Variants in ZNF18 observed in about 807,000 individuals in gnomAD.
ZNF18 encodes the protein zinc finger protein 18.
ZNF18 carries 42 observed loss-of-function variants against 58.1 expected under a neutral mutation model. The observed-to-expected ratio is 0.72, with a 90% CI of 0.56 to 0.93. ZNF18 has a LOEUF of 0.93. ZNF18 is among the 40% of genes least tolerant of loss of function. The pLI is 0.00. For missense variants in ZNF18, 540 were observed against 644.2 expected (o/e 0.84, Z 1.75); for synonymous variants, 231 against 239.8 (o/e 0.96, Z 0.34).
At chr17:12,001,441 A>G (rs1968653604), upstream of ZNF18, among the ~76,000 whole-genome samples, 1 of 152,132 alleles carries the variant, frequency 6.6e-6, no homozygotes, top group Non-Finnish European at 1.5e-5. Flanking sequence ...CATCCTGGCT[A>G]ACATGGTGAA....
the ZNF18 span, among the ~76,000 whole-genome samples, chr17:12,005,113 G>A: frequency 6.7e-6 from 1 of 150,008 alleles, no homozygotes; most frequent in Non-Finnish European, 1.5e-5. Flanking sequence ...TATGTGTGAT[G>A]TATATATATT....
the ZNF18 span, chr17:12,020,722 C>T: frequency 2.7e-6 from 1 of 371,058 alleles, no homozygotes; most frequent in Non-Finnish European, 4.7e-6. Flanking sequence ...CAGCATCTGG[C>T]CCGGGCTGCG....
rs770195564 is a variant in ZNF18 at position 11,983,440 on chromosome 17, T to A, written c.752-33A>T. ...GAGAAAGATGTATGGTGGGCCTGGA[T>A]GAATAGGGAAGACTGGGAGCTCAAG... On this transcript the variant is annotated intron_variant, in intron 5 of 6. Transcript: ENST00000580306. The A allele has an allele frequency of 2.8e-5, 43 of 1,545,252 alleles. 1 individual carries two copies. The highest frequency in any genetic ancestry group is 1.3e-4 in the Admixed American group (8 of 59,864).
At chr17:12,020,764 C>T in the ZNF18 span, 1 of 415,550 alleles carries the variant, frequency 2.4e-6, no homozygotes, top group Non-Finnish European at 4.0e-6. Flanking sequence ...TGTCAGGAGG[C>T]GTGTCCGGGG....
At position 11,984,237 on chromosome 17, in the gene ZNF18, C is replaced by G. The variant is rs74630121; in HGVS notation, c.667-40G>C. 553 of 1,569,436 alleles carry G rather than the reference C, an allele frequency of 3.5e-4. 3 individuals carry two copies. In the African/African-American group the frequency reaches 6.5e-3, roughly 18 times the overall value. On this transcript the variant is annotated intron_variant, in intron 4 of 6. Transcript: ENST00000580306. ...AAAAAAGCAATACAATACCATGACT[C>G]CAATGAAGGTGTTTGAACCTGCCTT...
At chr17:12,006,399 G>A in the ZNF18 span, among the ~76,000 whole-genome samples, 1 of 152,142 alleles carries the variant, frequency 6.6e-6, no homozygotes, top group Non-Finnish European at 1.5e-5. Context: ...AGTAAAATGA[G>A]AGATAAAAAT....
At chr17:12,015,924 G>A in the ZNF18 span, among the ~76,000 whole-genome samples, 12 of 152,184 alleles carry the variant, frequency 7.9e-5, no homozygotes, top group Non-Finnish European at 1.0e-4. Context: ...CTGAGTAGCC[G>A]GGACTATAGG....
At chr17:11,984,670 G>A (rs138475714) in intron 4 of ZNF18, among the ~76,000 whole-genome samples, 1,644 of 151,956 alleles carry the variant, frequency 0.011, 33 homozygotes, top group African/African-American at 0.038. Context: ...ACATGCCACC[G>A]TGCCTGGCTA....
At chr17:11,994,850 AG>A (rs1968363125) in intron 1 of ZNF18, among the ~76,000 whole-genome samples, 1 of 152,146 alleles carries the variant, frequency 6.6e-6, no homozygotes, top group South Asian at 2.1e-4. Flanking sequence ...CAAAAAAAAA[AG>A]AAAAAGAAAA....
chr17:11,978,399 A>G lies in ZNF18; in HGVS notation c.1208T>C (p.Met403Thr). The change falls in exon 7 of 7, where the codon ATG (methionine) becomes ACG (threonine). Residue 403 changes from methionine to threonine, a missense_variant. Physicochemically the swap from Met to Thr is moderately conservative, Grantham distance 81. Coordinates refer to ENST00000580306, the MANE Select transcript of ZNF18 (RefSeq NM_001303281.2). ...TSQKGQPRAP[M>T]AQKLPTCREC... ...CCTGCAGGTGGGGAGCTTCTGGGCC[A>G]TGGGGGCTCTTGGCTGCCCCTTCTG... 1.3e-6 allele frequency: 2 copies of G among 1,547,100 alleles called. No homozygotes were observed. Among genetic ancestry groups the G allele is most frequent in the Non-Finnish European group, 1.7e-6 (2 of 1,151,264 alleles).
the ZNF18 span, among the ~76,000 whole-genome samples, chr17:12,013,686 T>C: frequency 2.0e-5 from 3 of 152,232 alleles, no homozygotes; most frequent in African/African-American, 7.2e-5. Flanking sequence ...ATTTTTTTGT[T>C]GGGTATTCTT....
chr17:12,020,988 C>T, the ZNF18 span: 5 of 1,211,374 alleles, frequency 4.1e-6, no homozygotes, highest in Non-Finnish European at 5.1e-6. Flanking sequence ...ACCCGGCCGT[C>T]AGCAGCATGC....
the ZNF18 span, among the ~76,000 whole-genome samples, chr17:12,016,705 C>T: frequency 6.6e-6 from 1 of 151,900 alleles, no homozygotes; most frequent in Non-Finnish European, 1.5e-5. Flanking sequence ...GTAGTTCTTG[C>T]AGAATAGAAT....
Position 11,981,354 on chromosome 17 carries a change from T to C in ZNF18, c.862+1943A>G, listed in dbSNP as rs543333946. Among the ~76,000 whole-genome samples the C allele has an allele frequency of 2.1e-4, 31 of 151,064 alleles. No homozygotes were observed. In the East Asian group the frequency reaches 3.9e-3, roughly 19 times the overall value. ...TTTTTTTTGAGACAGAGTTTCATTC[T>C]TGTTGCCCAGGCTGGAGTGCAATGG... On this transcript the variant is annotated intron_variant, in intron 6 of 6. Coordinates refer to ENST00000580306, the MANE Select transcript of ZNF18 (RefSeq NM_001303281.2).
intron 4 of ZNF18, among the ~76,000 whole-genome samples, chr17:11,989,224 CT>C (rs1228915552): frequency 2.0e-5 from 3 of 151,846 alleles, no homozygotes; most frequent in African/African-American, 7.3e-5. Flanking sequence ...ACTCAGGAGG[CT>C]GAGGCAGGAG....
At chr17:12,009,005 T>TA in the ZNF18 span, 9 of 152,144 alleles carry the variant, frequency 5.9e-5, no homozygotes, top group Admixed American at 5.2e-4. Context: ...ATTCCTGACT[T>TA]ACGGGCACAG....
chr17:11,978,099 T>C lies in ZNF18; in HGVS notation c.1508A>G (p.Gln503Arg), dbSNP rs958906220. ...KCPICEKSFI[Q>R]RSNFNRHQRV... is the part of the protein sequence containing the mutation. ...CTGATGTCTATTAAAGTTTGATCTC[T>C]GAATGAAACTTTTCTCACAGATAGG... Residue 503 changes from glutamine (Q) to arginine (R), a missense_variant, in exon 7 of 7, where the codon CAG (glutamine) becomes CGG (arginine). Transcript: ENST00000580306. 6.2e-7 allele frequency: 1 copy of C among 1,614,048 alleles called. No individual in the cohort carries two copies. The highest frequency in any genetic ancestry group is 1.3e-5 in the African/African-American group (1 of 74,932).
At chr17:12,020,355 C>T in the ZNF18 span, among the ~76,000 whole-genome samples, 1 of 152,178 alleles carries the variant, frequency 6.6e-6, no homozygotes, top group East Asian at 1.9e-4. Flanking sequence ...CCCCTTTCCC[C>T]TCAGAGAAGT....
At chr17:12,012,313 T>C in the ZNF18 span, among the ~76,000 whole-genome samples, 1 of 152,220 alleles carries the variant, frequency 6.6e-6, no homozygotes, top group Admixed American at 6.5e-5. Context: ...CACAAAGAGC[T>C]TCCTCTTCTT....
Sources: gnomAD v4.1 joint callset for allele counts (sites outside exome capture counted in the v4.1 genomes callset) on GRCh38, gnomAD v4.1.1 for gene constraint, MANE v1.5 for transcripts, NCBI Gene and HGNC (gene_info 2026-07-23, HGNC 2026-07-21) for gene names.